MAP3K7CL: variants seen among roughly 807,000 people sequenced by gnomAD.
MAP3K7CL encodes MAP3K7 C-terminal like.
A neutral mutation model predicts 18.6 loss-of-function variants in MAP3K7CL; 16 were observed. The observed-to-expected ratio is 0.86, with a 90% CI of 0.58 to 1.31. The LOEUF (loss-of-function observed/expected upper bound fraction) is 1.31, where lower values mean the gene tolerates loss of function less well. MAP3K7CL is among the 50% of genes most tolerant of loss of function. The probability of loss-of-function intolerance (pLI) is 0.00; values close to 1 mark genes in which losing one functional copy is unlikely to be tolerated. For missense variants in MAP3K7CL, 163 were observed against 174.4 expected, an observed-to-expected ratio of 0.93 and a Z score of 0.37; for synonymous variants, 65 against 66.8, an observed-to-expected ratio of 0.97 and a Z score of 0.13.
At chr21:29,127,329 A>C (rs1200675933), upstream of MAP3K7CL, among the ~76,000 whole-genome samples, 2 of 152,232 alleles carry the variant, frequency 1.3e-5, no homozygotes, top group East Asian at 3.8e-4. Flanking sequence ...CACCATCAAG[A>C]AACATACTGT....
intron 1 of MAP3K7CL, among the ~76,000 whole-genome samples, chr21:29,087,882 C>G (rs1301134416): frequency 1.3e-5 from 2 of 152,020 alleles, no homozygotes; most frequent in African/African-American, 4.8e-5. Context: ...TGTGAGCCAC[C>G]GCGCCCGGTC....
chr21:29,092,370 G>A, intron 3 of MAP3K7CL: 26 of 1,567,160 alleles, frequency 1.7e-5, no homozygotes, highest in Non-Finnish European at 2.3e-5. Context: ...AAAAAGAACT[G>A]ACATCAAAAG....
chr21:29,104,900 C>T (rs2086293864), intron 4 of MAP3K7CL, among the ~76,000 whole-genome samples: 1 of 152,176 alleles, frequency 6.6e-6, no homozygotes, highest in South Asian at 2.1e-4. Context: ...CCTAGCTTTG[C>T]CCCCACCAGA....
intron 4 of MAP3K7CL, among the ~76,000 whole-genome samples, chr21:29,114,723 T>C (rs550823159): frequency 6.6e-6 from 1 of 152,184 alleles, no homozygotes; most frequent in Non-Finnish European, 1.5e-5. Context: ...AGAGTATAGA[T>C]GGAAACCTAA....
At chr21:29,089,436 G>A (rs987414031) in intron 1 of MAP3K7CL, among the ~76,000 whole-genome samples, 5 of 152,116 alleles carry the variant, frequency 3.3e-5, no homozygotes, top group Admixed American at 2.0e-4. Context: ...GGGTTAATAC[G>A]TATTTGTGCC....
chr21:29,102,999 A>G (rs921652851), intron 4 of MAP3K7CL, among the ~76,000 whole-genome samples: 1 of 152,242 alleles, frequency 6.6e-6, no homozygotes, highest in Admixed American at 6.5e-5. Flanking sequence ...ACTGCGGGAC[A>G]GACTCTCAGC....
chr21:29,084,763 G>T (rs1188903821), upstream of MAP3K7CL, among the ~76,000 whole-genome samples: 1 of 152,170 alleles, frequency 6.6e-6, no homozygotes, highest in Non-Finnish European at 1.5e-5. Flanking sequence ...AAGAAGGAGG[G>T]TAATGGTTAC....
rs945408555 is a variant in MAP3K7CL, at chr21:29,164,580, G to A, written c.248+4524G>A. Among the ~76,000 whole-genome samples the A allele has an allele frequency of 2.6e-5, 4 of 152,344 alleles. No individual in the cohort carries two copies. In the South Asian group the frequency reaches 6.2e-4, roughly 24 times the overall value. On this transcript the variant is annotated intron_variant, in intron 4 of 4. Coordinates refer to ENST00000399928, the MANE Select transcript of MAP3K7CL (RefSeq NM_001286620.2). ...TTTGGGAGAATTTGTCTTAAGAGGC[G>A]TGATGAGAAGAGTTGCTGAAACTGT...
At chr21:29,154,800 A>C (rs927695819) in intron 3 of MAP3K7CL, among the ~76,000 whole-genome samples, 1 of 152,226 alleles carries the variant, frequency 6.6e-6, no homozygotes, top group African/African-American at 2.4e-5. Flanking sequence ...ATTGAAAAGT[A>C]TTGTATACTG....
chr21:29,104,650 C>G (rs1250134194), intron 4 of MAP3K7CL, among the ~76,000 whole-genome samples: 1 of 152,210 alleles, frequency 6.6e-6, no homozygotes, highest in Non-Finnish European at 1.5e-5. Flanking sequence ...TTTGGAATCA[C>G]ACACAGGAAA....
intron 3 of MAP3K7CL, among the ~76,000 whole-genome samples, chr21:29,155,844 T>C (rs1354350395): frequency 2.0e-5 from 3 of 152,144 alleles, no homozygotes; most frequent in Non-Finnish European, 4.4e-5. Context: ...TGGAAACATG[T>C]GTTTCAAAGT....
At chr21:29,106,855 C>G (rs1027115254) in intron 4 of MAP3K7CL, among the ~76,000 whole-genome samples, 1 of 152,300 alleles carries the variant, frequency 6.6e-6, no homozygotes, top group Non-Finnish European at 1.5e-5. Context: ...GAACACTTGT[C>G]TATTCTGCCA....
rs371002424 is a variant in MAP3K7CL, at chr21:29,118,398, C to G, written c.370+25817C>G. Among the ~76,000 whole-genome samples the G allele has an allele frequency of 1.0e-3, 157 of 151,126 alleles. 1 individual carries two copies. The highest frequency in any genetic ancestry group is 3.5e-3 in the African/African-American group (143 of 41,112). On this transcript the variant is annotated intron_variant, in intron 4 of 6. Transcript: ENST00000286791. ...TCCCTGACTTTTATGGGTACCTTCCCTATTAGGCACTTGCATCCCAGGTTC... is the reference window on the plus strand; with the variant it reads ...TCCCTGACTTTTATGGGTACCTTCCGTATTAGGCACTTGCATCCCAGGTTC...
intron 4 of MAP3K7CL, among the ~76,000 whole-genome samples, chr21:29,118,291 A>T (rs1469711757): frequency 1.3e-5 from 1 of 74,300 alleles, no homozygotes; most frequent in African/African-American, 5.3e-5. Context: ...CACCATGTGG[A>T]GCAGGCTGGT....
chr21:29,131,831 A>G (rs951729761), intron 1 of MAP3K7CL, among the ~76,000 whole-genome samples: 1 of 152,174 alleles, frequency 6.6e-6, no homozygotes, highest in Non-Finnish European at 1.5e-5. Flanking sequence ...ATATATATGC[A>G]TTGGCTTTGG....
intron 4 of MAP3K7CL, among the ~76,000 whole-genome samples, chr21:29,119,853 T>A (rs1473513588): frequency 2.6e-5 from 4 of 151,908 alleles, no homozygotes; most frequent in Non-Finnish European, 5.9e-5. Context: ...TTAATAGAGA[T>A]GGGGTTTCAC....
At chr21:29,109,865 G>C (rs981470004) in intron 4 of MAP3K7CL, 57 of 867,196 alleles carry the variant, frequency 6.6e-5, no homozygotes, top group Non-Finnish European at 6.9e-6. Flanking sequence ...TGGGTCAAAG[G>C]GTATGTTGAA....
chr21:29,088,285 A>C (rs1406267012), intron 1 of MAP3K7CL, among the ~76,000 whole-genome samples: 1 of 152,244 alleles, frequency 6.6e-6, no homozygotes, highest in Non-Finnish European at 1.5e-5. Context: ...TTTAAATGTA[A>C]CCATAAGAAA....
intron 3 of MAP3K7CL, among the ~76,000 whole-genome samples, chr21:29,155,954 A>G (rs1353703191): frequency 6.6e-6 from 1 of 152,198 alleles, no homozygotes; most frequent in African/African-American, 2.4e-5. Flanking sequence ...TGCATCTGAA[A>G]AGCTGCTGCT....
Sources: gnomAD v4.1 joint callset for allele counts (sites outside exome capture counted in the v4.1 genomes callset) on GRCh38, gnomAD v4.1.1 for gene constraint, MANE v1.5 for transcripts, NCBI Gene and HGNC (gene_info 2026-07-23, HGNC 2026-07-21) for gene names.